The following LMBR1 variants were observed in gnomAD, a reference collection of about 807,000 sequenced individuals.
LMBR1 encodes limb region 1 protein homolog.
Under a neutral mutation model 73.9 loss-of-function variants are expected in LMBR1, and 52 were observed. The ratio of observed to expected loss-of-function variants is 0.70; its 90% CI spans 0.56 to 0.89. LMBR1 has a LOEUF of 0.89. Ranked by LOEUF, LMBR1 falls within the 40% of genes least tolerant of loss-of-function variation. The pLI is 0.00. For missense variants in LMBR1, 539 were observed against 579.8 expected (o/e 0.93, Z 0.72); for synonymous variants, 215 against 209.4 (o/e 1.03, Z -0.23).
chr7:156,687,434 ATTCATAGGTTACG>A (rs796214028), intron 16 of LMBR1, among the ~76,000 whole-genome samples: 16 of 152,376 alleles, frequency 1.1e-4, no homozygotes, highest in African/African-American at 3.8e-4. Context: ...ATAAAAATAC[ATTCATAGGTTACG>A]TTTGTACCCT....
intron 9 of LMBR1, among the ~76,000 whole-genome samples, chr7:156,737,491 T>C (rs1818101111): frequency 1.3e-5 from 2 of 152,178 alleles, no homozygotes; most frequent in Admixed American, 6.5e-5. Context: ...GAAATCTTCA[T>C]TTTGTCATTT....
At chr7:156,750,867 T>C (rs1820745750) in intron 9 of LMBR1, among the ~76,000 whole-genome samples, 1 of 152,146 alleles carries the variant, frequency 6.6e-6, no homozygotes, top group Non-Finnish European at 1.5e-5. Flanking sequence ...TTTAACACTA[T>C]GGGAGGCCAA....
chr7:156,704,258 C>A (rs555271657), intron 15 of LMBR1, among the ~76,000 whole-genome samples: 106 of 152,322 alleles, frequency 7.0e-4, no homozygotes, highest in Middle Eastern at 6.8e-3. Flanking sequence ...ATCAGGCATT[C>A]CAGTCCCCAG....
intron 3 of LMBR1, among the ~76,000 whole-genome samples, chr7:156,827,860 A>G (rs1835961896): frequency 6.6e-6 from 1 of 152,214 alleles, no homozygotes; most frequent in South Asian, 2.1e-4. Context: ...TTAGTAAATC[A>G]ATTATAAATT....
At chr7:156,879,905 A>C (rs1431473813) in intron 1 of LMBR1, among the ~76,000 whole-genome samples, 1 of 152,208 alleles carries the variant, frequency 6.6e-6, no homozygotes, top group Non-Finnish European at 1.5e-5. Context: ...GCTGGTGGGA[A>C]TGTAAACTGG....
intron 15 of LMBR1, among the ~76,000 whole-genome samples, chr7:156,721,541 G>A (rs1814581214): frequency 6.6e-6 from 1 of 151,982 alleles, no homozygotes; most frequent in Non-Finnish European, 1.5e-5. Flanking sequence ...ACAGTAAACT[G>A]TTTACTAAAA....
At chr7:156,857,807 G>A (rs1797175362) in intron 1 of LMBR1, among the ~76,000 whole-genome samples, 1 of 152,162 alleles carries the variant, frequency 6.6e-6, no homozygotes, top group Admixed American at 6.5e-5. Flanking sequence ...CTGAAATATA[G>A]CTGGAAAACT....
chr7:156,719,780 A>G (rs1417359372), intron 15 of LMBR1, among the ~76,000 whole-genome samples: 1 of 152,192 alleles, frequency 6.6e-6, no homozygotes, highest in Non-Finnish European at 1.5e-5. Flanking sequence ...AATAGAACAG[A>G]GCCCTCAGAA....
chr7:156,678,014 G>A lies in LMBR1; in HGVS notation c.*6064C>T, dbSNP rs2131803174. On this transcript the variant is annotated 3_prime_UTR_variant, in exon 17 of 17. Transcript: ENST00000353442. ...TCCGCCGCCCTAAACTTTGGATCTA[G>A]AAGGAGAGTCCCGGAGATACATGGA... 1 of 152,432 alleles carries A rather than the reference G, an allele frequency of 6.6e-6. No homozygotes were observed. The highest frequency in any genetic ancestry group is 1.9e-4 in the East Asian group (1 of 5,190). 9.4% of individuals were successfully genotyped at this position (152,432 alleles called of 1,614,324 possible). A position where few individuals can be genotyped will look rare whatever the true frequency, so the allele number is the denominator to read the frequency against.
intron 5 of LMBR1, among the ~76,000 whole-genome samples, chr7:156,791,695 C>T (rs983551397): frequency 2.0e-5 from 3 of 152,160 alleles, no homozygotes; most frequent in Admixed American, 6.5e-5. Flanking sequence ...AAATTTTGTA[C>T]TTTTTGCTTT....
At chr7:156,769,338 T>C (rs1428499848) in intron 5 of LMBR1, among the ~76,000 whole-genome samples, 2 of 152,094 alleles carry the variant, frequency 1.3e-5, no homozygotes, top group Admixed American at 1.3e-4. Flanking sequence ...CCAACATTCC[T>C]TCGTCTTACA....
At chr7:156,711,220 G>C (rs1812023773) in intron 15 of LMBR1, among the ~76,000 whole-genome samples, 1 of 152,172 alleles carries the variant, frequency 6.6e-6, no homozygotes, top group Admixed American at 6.5e-5. Flanking sequence ...TGAGGCAGGA[G>C]AATCGCTTGA....
At position 156,701,885 on chromosome 7, in the gene LMBR1, T is replaced by C. The variant is rs566607345; in HGVS notation, c.1226-13694A>G. On this transcript the variant is annotated intron_variant, in intron 15 of 16. Coordinates refer to ENST00000353442, the MANE Select transcript of LMBR1 (RefSeq NM_022458.4). ...TAAGTGAGAACATGTGGTGTTTGGTTTTCTGTTCCTGTGTTAGTTTGCTGA... is the reference window on the plus strand; with the variant it reads ...TAAGTGAGAACATGTGGTGTTTGGTCTTCTGTTCCTGTGTTAGTTTGCTGA... 2.0e-5 allele frequency among the ~76,000 whole-genome samples: 3 copies of C among 152,316 alleles called. No individual in the cohort carries two copies. In the East Asian group the frequency reaches 5.8e-4, roughly 29 times the overall value.
chr7:156,692,468 T>C (rs563322725), intron 15 of LMBR1, among the ~76,000 whole-genome samples: 1 of 152,356 alleles, frequency 6.6e-6, no homozygotes, highest in South Asian at 2.1e-4. Flanking sequence ...GGCTCCAGCC[T>C]ATATGGAGTA....
At chr7:156,746,451 T>C (rs1207864626) in intron 9 of LMBR1, among the ~76,000 whole-genome samples, 1 of 152,176 alleles carries the variant, frequency 6.6e-6, no homozygotes, top group Non-Finnish European at 1.5e-5. Context: ...CAGAGCTCAA[T>C]ACAAATGTCT....
At position 156,719,131 on chromosome 7, in the gene LMBR1, CT is replaced by C. The variant is rs1193577634; in HGVS notation, c.1225+4980del. Among the ~76,000 whole-genome samples the C allele has an allele frequency of 1.8e-3, 210 of 119,522 alleles. 1 individual carries two copies. Among genetic ancestry groups the C allele is most frequent in the South Asian group, 4.4e-3 (12 of 2,754 alleles). The allele number at this position is 119,522 out of a possible 152,430, so 78.4% of individuals were successfully genotyped here. A position where few individuals can be genotyped will look rare whatever the true frequency, so the allele number is the denominator to read the frequency against. On this transcript the variant is annotated intron_variant, in intron 15 of 16. Coordinates refer to ENST00000353442, the MANE Select transcript of LMBR1 (RefSeq NM_022458.4). ...TATATCTCCTAATGCTATCCCCCCC[CT>C]CCCCCCACCCCACAACAGTCCCCAG...
chr7:156,853,910 C>G (rs751052084), intron 1 of LMBR1, among the ~76,000 whole-genome samples: 1 of 151,572 alleles, frequency 6.6e-6, no homozygotes, highest in Non-Finnish European at 1.5e-5. Context: ...CCACCTCAGC[C>G]TCCTAAAATG....
intron 4 of LMBR1, among the ~76,000 whole-genome samples, chr7:156,813,129 G>A (rs552878120): frequency 4.6e-5 from 7 of 152,198 alleles, no homozygotes; most frequent in Admixed American, 1.3e-4. Context: ...ACAGGGTCTC[G>A]TTTTGTTGCT....
intron 5 of LMBR1, among the ~76,000 whole-genome samples, chr7:156,784,493 C>T (rs1213435490): frequency 5.3e-5 from 8 of 152,164 alleles, no homozygotes; most frequent in African/African-American, 1.7e-4. Flanking sequence ...AAAGCAAATG[C>T]TACACTGCCT....
Sources: allele counts gnomAD v4.1 joint callset (sites outside exome capture counted in the v4.1 genomes callset), GRCh38; gene constraint gnomAD v4.1.1; transcripts MANE v1.5; gene names NCBI Gene and HGNC (gene_info 2026-07-23, HGNC 2026-07-21).